TPD52: variants seen among roughly 807,000 people sequenced by gnomAD.
The protein encoded by TPD52 is prostate and colon associated protein.
In TPD52, 17 loss-of-function variants were observed where a neutral mutation model predicts 31.3. The ratio of observed to expected loss-of-function variants is 0.54; its 90% CI spans 0.37 to 0.82. The LOEUF is 0.82. Ranked by LOEUF, TPD52 falls within the 40% of genes least tolerant of loss-of-function variation. TPD52 has a pLI of 0.00. For missense variants in TPD52, 212 were observed against 240.1 expected (o/e 0.88, Z 0.77); for synonymous variants, 83 against 89.6 (o/e 0.93, Z 0.42).
rs541168644 is a variant in TPD52 at position 80,084,556 on chromosome 8, C to T, written c.20-19963G>A. On this transcript the variant is annotated intron_variant, in intron 1 of 7. Transcript: ENST00000518937. Reference sequence around the variant, plus strand: ...ACAGAAACAGACAGGTAAGGGATGGCGCAGCAGCATCTAAGCCCCTGCCTC... The same window carrying T: ...ACAGAAACAGACAGGTAAGGGATGGTGCAGCAGCATCTAAGCCCCTGCCTC... 1.1e-4 allele frequency among the ~76,000 whole-genome samples: 17 copies of T among 152,300 alleles called. No homozygotes were observed. The East Asian group carries it at 3.1e-3, about 28-fold the overall frequency.
chr8:80,135,043 C>T (rs1346146), intron 1 of TPD52, among the ~76,000 whole-genome samples: 66,530 of 149,302 alleles, frequency 0.45, 14,910 homozygotes, highest in East Asian at 0.78. Flanking sequence ...AGGAGACGTA[C>T]GCAAGTGCAG....
intron 1 of TPD52, among the ~76,000 whole-genome samples, chr8:80,109,907 T>C (rs1807387964): frequency 6.6e-6 from 1 of 152,184 alleles, no homozygotes; most frequent in African/African-American, 2.4e-5. Flanking sequence ...GGAATCACTC[T>C]GAACAAGAAC....
At chr8:80,138,266 T>A (rs987916705) in intron 1 of TPD52, among the ~76,000 whole-genome samples, 2 of 152,180 alleles carry the variant, frequency 1.3e-5, no homozygotes, top group African/African-American at 4.8e-5. Context: ...TCTAATTATT[T>A]CTCAGTAGAA....
At chr8:80,139,954 C>T (rs1384558958) in intron 1 of TPD52, among the ~76,000 whole-genome samples, 1 of 152,158 alleles carries the variant, frequency 6.6e-6, no homozygotes, top group East Asian at 1.9e-4. Context: ...CTCAATCCAG[C>T]AGGCTCCATG....
chr8:80,041,141 AGG>A (rs1285130516), intron 7 of TPD52, among the ~76,000 whole-genome samples: 1 of 152,192 alleles, frequency 6.6e-6, no homozygotes, highest in Non-Finnish European at 1.5e-5. Flanking sequence ...GGCGCCTGTC[AGG>A]GGGTGGGATG....
intron 1 of TPD52, among the ~76,000 whole-genome samples, chr8:80,083,311 A>C (rs1192703543): frequency 6.6e-6 from 1 of 152,188 alleles, no homozygotes; most frequent in African/African-American, 2.4e-5. Flanking sequence ...GAGGACTCAG[A>C]AAGAGGCTAT....
chr8:80,057,905 CAT>C (rs1460921495), intron 2 of TPD52, among the ~76,000 whole-genome samples: 3 of 152,072 alleles, frequency 2.0e-5, no homozygotes. Flanking sequence ...ATTTACAAAT[CAT>C]ATAGCTGGTA....
intron 1 of TPD52, among the ~76,000 whole-genome samples, chr8:80,066,271 A>C (rs1423086290): frequency 3.3e-5 from 5 of 152,222 alleles, no homozygotes; most frequent in African/African-American, 1.2e-4. Context: ...TCTACTGTAC[A>C]CTCACTGATT....
chr8:80,077,103 C>T lies in TPD52; in HGVS notation c.20-12510G>A, dbSNP rs533344393. ...CAGCCTCGCCAATATGGTGAAACCC[C>T]GTCTCTACTAAAAATACAAAAATTA... On this transcript the variant is annotated intron_variant, in intron 1 of 7. Coordinates refer to ENST00000518937, the MANE Select transcript of TPD52 (RefSeq NM_001025253.3). Among the ~76,000 whole-genome samples, 12 of 151,984 alleles carry T rather than the reference C, an allele frequency of 7.9e-5. 1 individual carries two copies. Among genetic ancestry groups the T allele is most frequent in the Non-Finnish European group, 7.4e-5 (5 of 67,964 alleles).
intron 1 of TPD52, chr8:80,080,931 G>T: frequency 4.9e-6 from 1 of 204,040 alleles, no homozygotes; most frequent in Non-Finnish European, 8.7e-6. Context: ...TCTAGGACAA[G>T]GAGGGATTAC....
At chr8:80,127,561 C>A (rs1296932165) in intron 1 of TPD52, 2 of 152,096 alleles carry the variant, frequency 1.3e-5, no homozygotes, top group Non-Finnish European at 2.9e-5. Flanking sequence ...TTTTTCACAT[C>A]CAAACAGGTG....
At chr8:80,147,463 G>C (rs1237700034) in intron 1 of TPD52, among the ~76,000 whole-genome samples, 3 of 152,202 alleles carry the variant, frequency 2.0e-5, no homozygotes, top group Non-Finnish European at 2.9e-5. Context: ...CTCCGGTGGA[G>C]AGAGTACATG....
intron 1 of TPD52, among the ~76,000 whole-genome samples, chr8:80,087,050 T>G (rs989450863): frequency 7.9e-5 from 12 of 152,168 alleles, no homozygotes; most frequent in African/African-American, 2.9e-4. Flanking sequence ...AGTATGCATG[T>G]GTACAGACAT....
chr8:80,059,536 C>G (rs1183282175), intron 2 of TPD52, among the ~76,000 whole-genome samples: 2 of 152,026 alleles, frequency 1.3e-5, no homozygotes, highest in Non-Finnish European at 2.9e-5. Context: ...TTAAAAAGAT[C>G]AACAGTGCAT....
At chr8:80,130,484 T>C (rs1808944934) in intron 1 of TPD52, among the ~76,000 whole-genome samples, 1 of 152,150 alleles carries the variant, frequency 6.6e-6, no homozygotes, top group Non-Finnish European at 1.5e-5. Flanking sequence ...ATGAGCAGTT[T>C]TCCAAAGAGC....
downstream of TPD52, among the ~76,000 whole-genome samples, chr8:80,033,679 C>T (rs1397475671): frequency 6.6e-6 from 1 of 152,158 alleles, no homozygotes; most frequent in Non-Finnish European, 1.5e-5. Context: ...AATGAAGTCA[C>T]ATGGACAACC....
chr8:80,045,100 G>C (rs897952547), intron 5 of TPD52, among the ~76,000 whole-genome samples: 1 of 152,138 alleles, frequency 6.6e-6, no homozygotes, highest in Non-Finnish European at 1.5e-5. Flanking sequence ...CTCTGTACTT[G>C]ATGTCTTACA....
At position 80,036,296 on chromosome 8, in the gene TPD52, A is replaced by G. The variant is rs1036031233; in HGVS notation, c.*1820T>C. ...CTCAAGAAACAATGTGATCAAAAGA[A>G]TATGTTTGAATTTTAAGAAGTAGAC... is the stretch of plus-strand genomic sequence containing the variant. On this transcript the variant is annotated 3_prime_UTR_variant, in exon 8 of 8. Transcript: ENST00000518937. The G allele has an allele frequency of 6.9e-4, 106 of 152,612 alleles. No homozygotes were observed. The highest frequency in any genetic ancestry group is 2.4e-4 in the Non-Finnish European group (16 of 68,046). 9.5% of individuals were successfully genotyped at this position (152,612 alleles called of 1,614,324 possible). A position where few individuals can be genotyped will look rare whatever the true frequency, so the allele number is the denominator to read the frequency against.
intron 1 of TPD52, among the ~76,000 whole-genome samples, chr8:80,088,776 G>T (rs1279021043): frequency 1.3e-5 from 2 of 152,146 alleles, no homozygotes; most frequent in East Asian, 3.9e-4. Context: ...AATCCAATAG[G>T]ACTGCTGTCC....
Sources: gnomAD v4.1 joint callset for allele counts (sites outside exome capture counted in the v4.1 genomes callset) on GRCh38, gnomAD v4.1.1 for gene constraint, MANE v1.5 for transcripts, NCBI Gene and HGNC (gene_info 2026-07-23, HGNC 2026-07-21) for gene names.